The following LYPD5 variants were observed in gnomAD, a reference collection of about 807,000 sequenced individuals.
The protein encoded by LYPD5 is LY6/PLAUR domain containing 5.
A neutral mutation model predicts 19.1 loss-of-function variants in LYPD5; 21 were observed. The observed-to-expected ratio is 1.10, with a 90% CI of 0.78 to 1.58. LYPD5 has a LOEUF of 1.58. Among genes scored for constraint, LYPD5 ranks in the 40% most tolerant of loss-of-function variants. LYPD5 has a pLI of 0.00. For missense variants in LYPD5, 287 were observed against 329.8 expected (o/e 0.87, Z 1.00); for synonymous variants, 128 against 142.7 (o/e 0.90, Z 0.74).
intron 4 of LYPD5, 62 bp downstream of exon 4, chr19:43,798,393 C>T (rs919497125): frequency 1.9e-6 from 3 of 1,586,652 alleles, no homozygotes; most frequent in Non-Finnish European, 1.7e-6. Flanking sequence ...GTATCACTAC[C>T]CTCATGGCTG....
chr19:43,810,597 T>C (rs1970314276), intron 1 of LYPD5, among the ~76,000 whole-genome samples: 1 of 119,728 alleles, frequency 8.4e-6, no homozygotes, highest in South Asian at 3.3e-4. Flanking sequence ...TCCTCTCCCC[T>C]TTCTTTCCCT....
Position 43,815,761 on chromosome 19 carries a change from G to A in LYPD5, c.-66+4779C>T, listed in dbSNP as rs896437669. The A allele has an allele frequency of 2.4e-5, 10 of 409,936 alleles. No homozygotes were observed. In the East Asian group the frequency reaches 4.7e-4, roughly 19 times the overall value. The allele number at this position is 409,936 out of a possible 1,614,324, so 25.4% of individuals were successfully genotyped here. On this transcript the variant is annotated intron_variant, in intron 1 of 4. Coordinates refer to the LYPD5 transcript ENST00000414615. Reference sequence around the variant, plus strand: ...TTTTATTTTATTTTATTTTTGAGACGGAGTTTCACTTTGTCACCCTGGCTG... The same window carrying A: ...TTTTATTTTATTTTATTTTTGAGACAGAGTTTCACTTTGTCACCCTGGCTG...
chr19:43,816,760 ATGT>A (rs1970378952), intron 1 of LYPD5, among the ~76,000 whole-genome samples: 1 of 152,136 alleles, frequency 6.6e-6, no homozygotes, highest in Non-Finnish European at 1.5e-5. Context: ...TAATTCCCAC[ATGT>A]TGTGGGAGGA....
chr19:43,802,637 TC>T, upstream of LYPD5, among the ~76,000 whole-genome samples: 1 of 152,074 alleles, frequency 6.6e-6, no homozygotes, highest in East Asian at 1.9e-4. Context: ...ATGATTGGTG[TC>T]TTGTTGGCCT....
upstream of LYPD5, among the ~76,000 whole-genome samples, chr19:43,805,651 G>C (rs948260969): frequency 1.5e-4 from 23 of 152,282 alleles, no homozygotes; most frequent in African/African-American, 4.3e-4. Flanking sequence ...GGGATCACAG[G>C]TGCCTGCCAC....
In LYPD5 at chr19:43,797,679, G is replaced by C. The variant is rs1378717894; in HGVS notation, c.668C>G (p.Thr223Ser). The C allele has an allele frequency of 6.2e-7, 1 of 1,613,760 alleles. No homozygotes were observed. Among genetic ancestry groups the C allele is most frequent in the African/African-American group, 1.3e-5 (1 of 74,858 alleles). The change falls in exon 5 of 5, where the codon ACC (threonine) becomes AGC (serine). Residue 223 changes from threonine (T) to serine (S), a missense_variant. Physicochemically the swap from Thr to Ser is moderately conservative, Grantham distance 58. Transcript: ENST00000377950. ...CNRKSMTQPF[T>S]SASATTPPRA... ...GGGAGGGGTGGTGGCTGAAGCACTG[G>C]TGAAGGGCTGGGTCATGGATTTCCT...
At position 43,802,355 on chromosome 19, in the gene LYPD5, A is replaced by T. The variant is rs1288260591; in HGVS notation, c.26T>A (p.Ile9Asn). The T allele has an allele frequency of 1.9e-6, 3 of 1,551,524 alleles. No homozygotes were observed. The highest frequency in any genetic ancestry group is 2.6e-6 in the Non-Finnish European group (3 of 1,146,986). ...CGCAGCCCCAAAGAGGCAGAGCAGA[A>T]TGACTCTGGGGACCCCCATTGCCAT... is the stretch of plus-strand genomic sequence containing the variant. The part of the protein sequence containing the change: MAMGVPRV[I>N]LLCLFGAALC... The change falls in exon 1 of 5, where the codon ATT becomes AAT. Residue 9 changes from isoleucine (I) to asparagine (N), a missense_variant. Physicochemically the swap from Ile to Asn is moderately radical, Grantham distance 149. Coordinates refer to ENST00000377950, the MANE Select transcript of LYPD5 (RefSeq NM_001031749.3).
At chr19:43,803,962 C>G (rs946389292), upstream of LYPD5, among the ~76,000 whole-genome samples, 31 of 152,206 alleles carry the variant, frequency 2.0e-4, no homozygotes, top group African/African-American at 6.5e-4. Flanking sequence ...CTCAGCCTCC[C>G]GAGTAGCTGG....
chr19:43,816,032 CTCTATCTA>C (rs111461643), intron 1 of LYPD5, among the ~76,000 whole-genome samples: 7,886 of 147,798 alleles, frequency 0.053, 222 homozygotes, highest in Non-Finnish European at 0.067. Context: ...CCACGCCCCA[CTCTATCTA>C]TCTATCTATC....
At position 43,797,295 on chromosome 19, in the gene LYPD5, T is replaced by C; in HGVS notation, c.*296A>G. ...GGAGGGAGAGCACAGGAAGCCGTGT[T>C]ATGGGGTGCCTGGTGCCTGGCTGGT... On this transcript the variant is annotated 3_prime_UTR_variant, in exon 5 of 5. Coordinates refer to ENST00000377950, the MANE Select transcript of LYPD5 (RefSeq NM_001031749.3). The C allele has an allele frequency of 2.6e-6, 1 of 379,220 alleles. No homozygotes were observed. Among genetic ancestry groups the C allele is most frequent in the South Asian group, 4.7e-5 (1 of 21,414 alleles). The allele number at this position is 379,220 out of a possible 1,614,324, so 23.5% of individuals were successfully genotyped here.
intron 1 of LYPD5, among the ~76,000 whole-genome samples, chr19:43,800,556 A>G (rs1323936382): frequency 6.6e-6 from 1 of 152,200 alleles, no homozygotes; most frequent in Non-Finnish European, 1.5e-5. Context: ...ATGCACAGAA[A>G]ATCATACCCA....
chr19:43,799,010 G>A lies in LYPD5; in HGVS notation c.194-22C>T, dbSNP rs749630921. On this transcript the variant is annotated intron_variant, in intron 2 of 4. Coordinates refer to ENST00000377950, the MANE Select transcript of LYPD5 (RefSeq NM_001031749.3). ...TACCCTGGGGGCGGGATCGGGGCTC[G>A]TGCTCTGCTTCCCGAAACCCTTCTC... The A allele has an allele frequency of 4.5e-6, 7 of 1,542,758 alleles. No individual in the cohort carries two copies. In the South Asian group the frequency reaches 8.5e-5, roughly 19 times the overall value.
rs766251348 is a variant in LYPD5 at position 43,798,978 on chromosome 19, C to T, written c.204G>A (p.Ala68=). The T allele has an allele frequency of 5.1e-6, 8 of 1,572,382 alleles. No homozygotes were observed. Among genetic ancestry groups the T allele is most frequent in the South Asian group, 2.3e-5 (2 of 85,866 alleles). Residue 68 remains alanine, a synonymous_variant, in exon 3 of 5, where the codon GCG becomes GCA. Transcript: ENST00000377950. ...AGCCCTTCCGCACCAGGGTCACCGG[C>T]GCGCGATACCCTGGGGGCGGGATCG... ...AILSLDTGYR[A]PVTLVRKGCW...
At chr19:43,814,249 T>C (rs930744060) in intron 1 of LYPD5, among the ~76,000 whole-genome samples, 1 of 152,124 alleles carries the variant, frequency 6.6e-6, no homozygotes, top group African/African-American at 2.4e-5. Flanking sequence ...CCCAGCACTT[T>C]ATGAGTCTCA....
chr19:43,799,037 C>G, intron 2 of LYPD5, 49 bp from the exon 3 acceptor site: 1 of 1,508,170 alleles, frequency 6.6e-7, no homozygotes, highest in Non-Finnish European at 8.9e-7. Flanking sequence ...ACCCTTCTCC[C>G]TCCAGTCTCA....
At chr19:43,810,282 C>T (rs941701021) in intron 1 of LYPD5, among the ~76,000 whole-genome samples, 1 of 152,034 alleles carries the variant, frequency 6.6e-6, no homozygotes, top group African/African-American at 2.4e-5. Flanking sequence ...ACTCCCAGTA[C>T]ATGATTGAAT....
At chr19:43,819,070 A>G (rs552804066) in intron 1 of LYPD5, among the ~76,000 whole-genome samples, 2 of 152,104 alleles carry the variant, frequency 1.3e-5, no homozygotes, top group South Asian at 2.1e-4. Flanking sequence ...ATCTTTTGAA[A>G]TAATCTATTT....
chr19:43,797,442 TG>T lies in LYPD5; in HGVS notation c.*148del, dbSNP rs544367225. 6 of 700,506 alleles carry T rather than the reference TG, an allele frequency of 8.6e-6. No homozygotes were observed. Among genetic ancestry groups the T allele is most frequent in the Non-Finnish European group, 1.4e-5 (6 of 418,046 alleles). 43.4% of individuals were successfully genotyped at this position (700,506 alleles called of 1,614,324 possible). On this transcript the variant is annotated 3_prime_UTR_variant, in exon 5 of 5. Coordinates refer to ENST00000377950, the MANE Select transcript of LYPD5 (RefSeq NM_001031749.3). ...TCTTCCAGTACTGTTGGCCAGGTTGTGGGGCACAAGGGCGGGAGAGATGGAA... is the reference window on the plus strand; with the variant it reads ...TCTTCCAGTACTGTTGGCCAGGTTGTGGGCACAAGGGCGGGAGAGATGGAA...
intron 1 of LYPD5, among the ~76,000 whole-genome samples, chr19:43,811,630 G>A (rs1046536361): frequency 1.3e-4 from 19 of 151,832 alleles, no homozygotes; most frequent in Admixed American, 7.9e-4. Flanking sequence ...AGGTTGCAGT[G>A]AGCAGAGATC....
Sources: allele counts gnomAD v4.1 joint callset (sites outside exome capture counted in the v4.1 genomes callset), GRCh38; gene constraint gnomAD v4.1.1; transcripts MANE v1.5; gene names NCBI Gene and HGNC (gene_info 2026-07-23, HGNC 2026-07-21).